PNPLA6: variants seen among roughly 807,000 people sequenced by gnomAD.
PNPLA6 encodes patatin-like phospholipase domain-containing protein 6.
PNPLA6 carries 105 observed loss-of-function variants against 153.7 expected under a neutral mutation model. That is an observed-to-expected ratio of 0.68 (90% CI 0.58 to 0.80). The LOEUF (loss-of-function observed/expected upper bound fraction) is 0.80. Ranked by LOEUF, PNPLA6 falls within the 30% of genes least tolerant of loss-of-function variation. The pLI, the probability that PNPLA6 is intolerant of heterozygous loss-of-function variation, is 0.00. For missense variants in PNPLA6, 1,423 were observed against 1,919.3 expected, an observed-to-expected ratio of 0.74 and a Z score of 4.83; for synonymous variants, 825 against 822.2, an observed-to-expected ratio of 1.00 and a Z score of -0.06.
Position 7,555,274 on chromosome 19 carries a change from C to A in PNPLA6, c.2843C>A (p.Ser948Tyr). The change falls in exon 23 of 32, where the codon TCC becomes TAC. Residue 948 changes from serine (S) to tyrosine (Y), a missense_variant. By Grantham distance (144) the Ser-to-Tyr change is moderately radical. Around this residue, in one of 10 missense-constraint regions of PNPLA6, gnomAD observed 643 missense variants for 835.2 expected, o/e 0.77. Transcript: ENST00000600737. This position sits in a 1 kb window ranked among gnomAD's most constrained non-coding sequence, Gnocchi z 6.3. ...CATGAGCTCTACGAGAAGGTTTTCTCCAGGCGCGCGGACCGGCACAGCGAC... is the reference window on the plus strand; with the variant it reads ...CATGAGCTCTACGAGAAGGTTTTCTACAGGCGCGCGGACCGGCACAGCGAC... ...KLHELYEKVF[S>Y]RRADRHSDFS... The A allele has an allele frequency of 1.3e-6, 2 of 1,597,012 alleles. No homozygotes were observed. Among genetic ancestry groups the A allele is most frequent in the South Asian group, 2.3e-5 (2 of 88,208 alleles).
At chr19:7,551,832 G>C (rs1173084547) in intron 18 of PNPLA6, among the ~76,000 whole-genome samples, 4 of 152,104 alleles carry the variant, frequency 2.6e-5, no homozygotes, top group African/African-American at 7.2e-5. Flanking sequence ...CGTCATGGTG[G>C]CTCATGCCTG....
Position 7,536,280 on chromosome 19 carries a change from C to G in PNPLA6, c.315+7C>G, listed in dbSNP as rs754955851. 2 of 1,609,636 alleles carry G rather than the reference C, an allele frequency of 1.2e-6. No individual in the cohort carries two copies. Among genetic ancestry groups the G allele is most frequent in the Non-Finnish European group, 1.7e-6 (2 of 1,176,004 alleles). ...CCGGAAGATTATGCGGAAGGTGAGT[C>G]CGGGACCCCTGGGGTCCGCCCTGAC... On this transcript the variant is annotated splice_region_variant and intron_variant, in intron 2 of 31. Transcript: ENST00000600737.
At chr19:7,553,340 C>G (rs1467593299) in intron 18 of PNPLA6, among the ~76,000 whole-genome samples, 1 of 152,238 alleles carries the variant, frequency 6.6e-6, no homozygotes, top group Non-Finnish European at 1.5e-5. Flanking sequence ...CAACCTCTGC[C>G]TCCCAGGTTC....
intron 18 of PNPLA6, among the ~76,000 whole-genome samples, chr19:7,552,727 C>T (rs1277804659): frequency 7.3e-6 from 1 of 137,890 alleles, no homozygotes; most frequent in Non-Finnish European, 1.5e-5. Flanking sequence ...TGCACTCCAG[C>T]CTGGGCAACC....
chr19:7,535,254 T>C, upstream of PNPLA6: 1 of 571,496 alleles, frequency 1.7e-6, no homozygotes, highest in Non-Finnish European at 3.1e-6. This position sits in a 1 kb window ranked among gnomAD's most constrained non-coding sequence, Gnocchi z 5.0. Context: ...CAGGCGGGCG[T>C]CTGGTAGGCC....
Position 7,541,096 on chromosome 19 carries a change from C to T in PNPLA6, c.924+45C>T. 2 of 1,587,504 alleles carry T rather than the reference C, an allele frequency of 1.3e-6. No homozygotes were observed. Among genetic ancestry groups the T allele is most frequent in the Non-Finnish European group, 1.7e-6 (2 of 1,166,946 alleles). Reference sequence around the variant, plus strand: ...CTGTCACCCCCTGAGGGACCCCACCCTGGCCCCCACCCATTCCAGGCTCCA... The same window carrying T: ...CTGTCACCCCCTGAGGGACCCCACCTTGGCCCCCACCCATTCCAGGCTCCA... On this transcript the variant is annotated intron_variant, in intron 7 of 31. Coordinates refer to ENST00000600737, the MANE Select transcript of PNPLA6 (RefSeq NM_001166114.2). The surrounding 1 kb of genome is among the most constrained non-coding windows in gnomAD (Gnocchi z 5.2).
intron 18 of PNPLA6, among the ~76,000 whole-genome samples, chr19:7,551,857 T>C (rs1186324891): frequency 6.6e-6 from 1 of 152,014 alleles, no homozygotes; most frequent in African/African-American, 2.4e-5. Context: ...CTCAGCACTT[T>C]GGGAGGCTGA....
At position 7,561,333 on chromosome 19, in the gene PNPLA6, C is replaced by A. The variant is rs756528111; in HGVS notation, c.4023+16C>A. 1.3e-6 allele frequency: 2 copies of A among 1,565,720 alleles called. No homozygotes were observed. The highest frequency in any genetic ancestry group is 1.1e-5 in the South Asian group (1 of 87,258). On this transcript the variant is annotated intron_variant, in intron 31 of 31. Coordinates refer to ENST00000600737, the MANE Select transcript of PNPLA6 (RefSeq NM_001166114.2). ...CTCCGAGATGGTGAGAGTGGGTGGC[C>A]CAGGGTCCCCTCACATCCCCCAGAG...
rs938431381 is a variant in PNPLA6 at position 7,541,961 on chromosome 19, G to A, written c.1169-23G>A. On this transcript the variant is annotated intron_variant, in intron 9 of 31. Coordinates refer to ENST00000600737, the MANE Select transcript of PNPLA6 (RefSeq NM_001166114.2). The surrounding 1 kb of genome is among the most constrained non-coding windows in gnomAD (Gnocchi z 5.2). The stretch of plus-strand genomic sequence containing the variant: ...CTCCTAGTGGCTCTGAGGGGCAGGA[G>A]CCTGAACATGTGTCTCCCCCAGGGG... 16 of 1,593,928 alleles carry A rather than the reference G, an allele frequency of 1.0e-5. No individual in the cohort carries two copies. In the African/African-American group the frequency reaches 1.1e-4, roughly 11 times the overall value.
At position 7,557,369 on chromosome 19, in the gene PNPLA6, C is replaced by T. The variant is rs529055514; in HGVS notation, c.3397+85C>T. On this transcript the variant is annotated intron_variant, in intron 27 of 31. Coordinates refer to ENST00000600737, the MANE Select transcript of PNPLA6 (RefSeq NM_001166114.2). ...ACGCGTGGGCACACACAGACAGGCTCGATGACGGGACACATGCCCAAGCTG... is the reference window on the plus strand; with the variant it reads ...ACGCGTGGGCACACACAGACAGGCTTGATGACGGGACACATGCCCAAGCTG... 8.8e-5 allele frequency: 77 copies of T among 875,204 alleles called. No homozygotes were observed. In the African/African-American group the frequency reaches 1.0e-3, roughly 11 times the overall value. The allele number at this position is 875,204 out of a possible 1,614,324, so 54.2% of individuals were successfully genotyped here. A position where few individuals can be genotyped will look rare whatever the true frequency, so the allele number is the denominator to read the frequency against.
Position 7,559,096 on chromosome 19 carries a change from G to A in PNPLA6, c.3644G>A (p.Arg1215His). Residue 1215 changes from arginine to histidine, a missense_variant, in exon 28 of 32, where the codon CGC becomes CAC. Coordinates refer to ENST00000600737, the MANE Select transcript of PNPLA6 (RefSeq NM_001166114.2). Reference sequence around the variant, plus strand: ...TCCAGCTCCTACTGCGAGTACCTGCGCCCGCCCATCGACTGCTTCAAGACC... The same window carrying A: ...TCCAGCTCCTACTGCGAGTACCTGCACCCGCCCATCGACTGCTTCAAGACC... ...VKSSSYCEYL[R>H]PPIDCFKTMD... 2 of 1,614,190 alleles carry A rather than the reference G, an allele frequency of 1.2e-6. No individual in the cohort carries two copies. Among genetic ancestry groups the A allele is most frequent in the Non-Finnish European group, 8.5e-7 (1 of 1,180,038 alleles).
Position 7,553,785 on chromosome 19 carries a change from TAAGGAGGAA to T in PNPLA6, c.2261-89_2261-81del, listed in dbSNP as rs1182735984. 1.2e-5 allele frequency: 18 copies of T among 1,542,336 alleles called. No individual in the cohort carries two copies. The East Asian group carries it at 4.0e-4, about 35-fold the overall frequency. Reference sequence around the variant, plus strand: ...GGAGCACAGGAGCAAGAATTTCAGATAAGGAGGAAGAGGAAGAAGAGGAGGAGGAGGGTT... The same window carrying T: ...GGAGCACAGGAGCAAGAATTTCAGATGAGGAAGAAGAGGAGGAGGAGGGTT... On this transcript the variant is annotated intron_variant, in intron 18 of 31. Transcript: ENST00000600737.
intron 13 of PNPLA6, among the ~76,000 whole-genome samples, chr19:7,547,823 T>TAAAA (rs1227244426): frequency 0.59 from 58,587 of 98,938 alleles, 17,262 homozygotes; most frequent in South Asian, 0.72. Flanking sequence ...TTTTTTTTTT[T>TAAAA]TTTTTTTTTT....
intron 3 of PNPLA6, 118 bp from the exon 4 acceptor site, chr19:7,539,800 C>T: frequency 1.5e-6 from 1 of 650,254 alleles, no homozygotes; most frequent in South Asian, 1.9e-5. Context: ...CCTGATTTGG[C>T]CAGCGGGCCA....
chr19:7,535,182 C>A, upstream of PNPLA6: 1 of 480,106 alleles, frequency 2.1e-6, no homozygotes, highest in Non-Finnish European at 3.8e-6. This position sits in a 1 kb window ranked among gnomAD's most constrained non-coding sequence, Gnocchi z 5.0. Context: ...CCTGTGGGGA[C>A]CTGCCTGCAG....
At chr19:7,543,582 A>G (rs2146064042) in intron 13 of PNPLA6, among the ~76,000 whole-genome samples, 1 of 152,214 alleles carries the variant, frequency 6.6e-6, no homozygotes, top group East Asian at 1.9e-4. Context: ...TCCACTGTCC[A>G]TATGGGGAAA....
rs1280574638 is a variant in PNPLA6, at chr19:7,555,736, G to A, written c.3066G>A (p.Thr1022=). 1.9e-6 allele frequency: 3 copies of A among 1,613,788 alleles called. No individual in the cohort carries two copies. The highest frequency in any genetic ancestry group is 2.5e-6 in the Non-Finnish European group (3 of 1,179,870). ...CGGAGGAGCGCAGCGCCAGCCGCACGAAGCAGCGGGCCCGGGAGTGGGCCA... is the reference window on the plus strand; with the variant it reads ...CGGAGGAGCGCAGCGCCAGCCGCACAAAGCAGCGGGCCCGGGAGTGGGCCA... ...LYAEERSASR[T]KQRAREWAKS... is the part of the protein sequence containing the mutation. Residue 1022 remains threonine, a synonymous_variant, in exon 24 of 32, where the codon ACG becomes ACA. Coordinates refer to ENST00000600737, the MANE Select transcript of PNPLA6 (RefSeq NM_001166114.2). The surrounding 1 kb of genome is among the most constrained non-coding windows in gnomAD (Gnocchi z 6.3).
In PNPLA6 at chr19:7,535,933, G is replaced by A. The variant is rs2022843444; in HGVS notation, c.145G>A (p.Val49Met). 2 of 1,581,454 alleles carry A rather than the reference G, an allele frequency of 1.3e-6. No individual in the cohort carries two copies. The highest frequency in any genetic ancestry group is 1.3e-5 in the African/African-American group (1 of 74,762). ...GAQPVPFVPQ[V>M]LGVMIGAGVA... is the part of the protein sequence containing the mutation. ...GCAGCCAGTGCCGTTCGTCCCTCAGGTGCTTGGCGTGATGATCGGGGCCGG... is the reference window on the plus strand; with the variant it reads ...GCAGCCAGTGCCGTTCGTCCCTCAGATGCTTGGCGTGATGATCGGGGCCGG... Residue 49 changes from valine to methionine, a missense_variant, in exon 1 of 32, where the codon GTG becomes ATG. Val to Met is a conservative substitution (Grantham distance 21). Around this residue, in one of 10 missense-constraint regions of PNPLA6, gnomAD observed 109 missense variants for 109.4 expected, o/e 1.00. Transcript: ENST00000600737. The surrounding 1 kb of genome is among the most constrained non-coding windows in gnomAD (Gnocchi z 5.0).
upstream of PNPLA6, chr19:7,535,467 T>C (rs1322877883): frequency 2.1e-6 from 3 of 1,415,392 alleles, no homozygotes; most frequent in African/African-American, 4.3e-5. This position sits in a 1 kb window ranked among gnomAD's most constrained non-coding sequence, Gnocchi z 5.0. Flanking sequence ...TGGGCCCAGA[T>C]TGACGACTTG....
Sources: allele counts gnomAD v4.1 joint callset (sites outside exome capture counted in the v4.1 genomes callset), GRCh38; gene constraint gnomAD v4.1.1; regional missense constraint gnomAD v4.1.1; non-coding constraint Gnocchi (gnomAD v3.1); transcripts MANE v1.5; gene names NCBI Gene and HGNC (gene_info 2026-07-23, HGNC 2026-07-21).